Variants in GLRA3 observed in about 807,000 individuals in gnomAD.
GLRA3 encodes the protein glycine receptor alpha 3.
In GLRA3, 44 loss-of-function variants were observed where a neutral mutation model predicts 60.4. The ratio of observed to expected loss-of-function variants is 0.73; its 90% CI spans 0.57 to 0.94. The LOEUF (loss-of-function observed/expected upper bound fraction) is 0.94, where lower values mean the gene tolerates loss of function less well. Among genes scored for constraint, GLRA3 ranks in the 40% least tolerant of loss-of-function variants. The pLI is 0.00. For missense variants in GLRA3, 508 were observed against 564.6 expected, an observed-to-expected ratio of 0.90 and a Z score of 1.02; for synonymous variants, 223 against 192.9, an observed-to-expected ratio of 1.16 and a Z score of -1.29.
At chr4:174,674,060 A>G (rs1734011193) in intron 7 of GLRA3, among the ~76,000 whole-genome samples, 1 of 152,124 alleles carries the variant, frequency 6.6e-6, no homozygotes, top group African/African-American at 2.4e-5. Context: ...CCAGATCATC[A>G]TCTGCTGTGG....
intron 1 of GLRA3, among the ~76,000 whole-genome samples, chr4:174,790,993 G>T (rs2111311112): frequency 7.4e-6 from 1 of 135,088 alleles, no homozygotes; most frequent in Admixed American, 7.6e-5. Flanking sequence ...CACACAGCGA[G>T]ACTCCATCTC....
chr4:174,737,270 T>C (rs886424461), intron 3 of GLRA3, among the ~76,000 whole-genome samples: 12 of 152,184 alleles, frequency 7.9e-5, no homozygotes, highest in African/African-American at 2.2e-4. Flanking sequence ...CACACACATA[T>C]TTAAAAATTT....
At chr4:174,663,543 G>A (rs530597132) in intron 7 of GLRA3, among the ~76,000 whole-genome samples, 1 of 152,266 alleles carries the variant, frequency 6.6e-6, no homozygotes, top group East Asian at 1.9e-4. Flanking sequence ...CATCATTTGT[G>A]CCTGTCAGGG....
rs376843844 is a variant in GLRA3 at position 174,656,843 on chromosome 4, A to G, written c.1072-56T>C. 20 of 915,528 alleles carry G rather than the reference A, an allele frequency of 2.2e-5. No individual in the cohort carries two copies. In the African/African-American group the frequency reaches 3.3e-4, roughly 15 times the overall value. The allele number at this position is 915,528 out of a possible 1,614,324, so 56.7% of individuals were successfully genotyped here. A position where few individuals can be genotyped will look rare whatever the true frequency, so the allele number is the denominator to read the frequency against. On this transcript the variant is annotated intron_variant, in intron 8 of 9. Coordinates refer to ENST00000274093, the MANE Select transcript of GLRA3 (RefSeq NM_006529.4). ...TTGAGAAACCAGAGAATCAATTCAT[A>G]TATGATTAAATATAATTACACAATT...
intron 5 of GLRA3, chr4:174,712,796 C>T (rs1006394653): frequency 6.6e-6 from 1 of 151,684 alleles, no homozygotes; most frequent in Non-Finnish European, 1.5e-5. Context: ...TTTTAAACCA[C>T]TATTTAAGGA....
rs1334283327 is a variant in GLRA3, at chr4:174,821,426, C to T, written c.71+7315G>A. Among the ~76,000 whole-genome samples, 11 of 151,956 alleles carry T rather than the reference C, an allele frequency of 7.2e-5. No homozygotes were observed. The East Asian group carries it at 2.1e-3, about 29-fold the overall frequency. On this transcript the variant is annotated intron_variant, in intron 1 of 9. Coordinates refer to ENST00000274093, the MANE Select transcript of GLRA3 (RefSeq NM_006529.4). ...TGACCCAAAATTGTAAATTATATGA[C>T]CCTAGTCAAAGTAGCATCATAAAAG... is the stretch of plus-strand genomic sequence containing the variant.
chr4:174,813,529 C>A (rs1740355017), intron 1 of GLRA3, among the ~76,000 whole-genome samples: 1 of 152,168 alleles, frequency 6.6e-6, no homozygotes, highest in African/African-American at 2.4e-5. Flanking sequence ...GCCTCGTAAC[C>A]AGTTGCATCA....
chr4:174,751,770 T>G (rs985810252), intron 3 of GLRA3, among the ~76,000 whole-genome samples: 29 of 152,134 alleles, frequency 1.9e-4, no homozygotes, highest in Middle Eastern at 3.4e-3. Context: ...GAGGACAGTA[T>G]GGTTCCTGAG....
intron 5 of GLRA3, among the ~76,000 whole-genome samples, chr4:174,710,737 C>T (rs576282332): frequency 4.3e-4 from 65 of 151,974 alleles, no homozygotes; most frequent in East Asian, 1.7e-3. Flanking sequence ...TGGCATACTA[C>T]GATTATTTCT....
intron 5 of GLRA3, among the ~76,000 whole-genome samples, chr4:174,692,084 CT>C (rs1173786933): frequency 2.0e-5 from 3 of 150,552 alleles, no homozygotes; most frequent in Admixed American, 2.0e-4. Flanking sequence ...CTGGGCCGCC[CT>C]GTCTGAGAAG....
At chr4:174,793,088 G>C (rs535902069) in intron 1 of GLRA3, among the ~76,000 whole-genome samples, 68 of 152,228 alleles carry the variant, frequency 4.5e-4, no homozygotes, top group African/African-American at 1.2e-3. Flanking sequence ...TTTTGAAAAA[G>C]TTGATTCTCA....
intron 1 of GLRA3, among the ~76,000 whole-genome samples, chr4:174,815,786 TA>T (rs1161162209): frequency 2.6e-5 from 4 of 152,150 alleles, no homozygotes; most frequent in African/African-American, 9.7e-5. Flanking sequence ...TGTTTCCTCC[TA>T]AACCTCCAGA....
chr4:174,750,157 T>G (rs1217898428), intron 3 of GLRA3, among the ~76,000 whole-genome samples: 2 of 152,112 alleles, frequency 1.3e-5, no homozygotes, highest in African/African-American at 4.8e-5. Flanking sequence ...ATTTTACCAT[T>G]TTTTGTGCAT....
At chr4:174,792,493 C>A (rs1739392596) in intron 1 of GLRA3, among the ~76,000 whole-genome samples, 1 of 152,104 alleles carries the variant, frequency 6.6e-6, no homozygotes. Flanking sequence ...GAGGTACTGG[C>A]AGGTAGGACT....
chr4:174,821,006 A>G (rs1291213934), intron 1 of GLRA3, among the ~76,000 whole-genome samples: 1 of 152,194 alleles, frequency 6.6e-6, no homozygotes, highest in Non-Finnish European at 1.5e-5. Flanking sequence ...CCAACTGTTG[A>G]AATCTTGCTT....
At chr4:174,681,608 G>A (rs1001031699) in intron 6 of GLRA3, among the ~76,000 whole-genome samples, 1 of 152,064 alleles carries the variant, frequency 6.6e-6, no homozygotes, top group African/African-American at 2.4e-5. Context: ...AAGAGACAGG[G>A]AACAACTCTT....
At chr4:174,763,980 G>GAA (rs1738040595) in intron 3 of GLRA3, among the ~76,000 whole-genome samples, 1 of 152,032 alleles carries the variant, frequency 6.6e-6, no homozygotes, top group African/African-American at 2.4e-5. Flanking sequence ...AATATTTGTA[G>GAA]AAAAAAGTTT....
At position 174,788,983 on chromosome 4, in the gene GLRA3, G is replaced by A. The variant is rs369975744; in HGVS notation, c.72-40C>T. 2.2e-6 allele frequency: 3 copies of A among 1,363,588 alleles called. No individual in the cohort carries two copies. The African/African-American group carries it at 4.5e-5, about 20-fold the overall frequency. 84.5% of individuals were successfully genotyped at this position (1,363,588 alleles called of 1,614,324 possible). On this transcript the variant is annotated intron_variant, in intron 1 of 9. Transcript: ENST00000274093. ...AAAAATATAGACTTTACAAAAAGAA[G>A]TATTTCTAATAATTGTTACCTACAA...
chr4:174,645,815 C>G (rs1484023296), intron 9 of GLRA3, among the ~76,000 whole-genome samples: 1 of 152,086 alleles, frequency 6.6e-6, no homozygotes, highest in Non-Finnish European at 1.5e-5. Context: ...CTTTGGCGTC[C>G]ATGAAATTTT....
Sources: gnomAD v4.1 joint callset for allele counts (sites outside exome capture counted in the v4.1 genomes callset) on GRCh38, gnomAD v4.1.1 for gene constraint, MANE v1.5 for transcripts, NCBI Gene and HGNC (gene_info 2026-07-23, HGNC 2026-07-21) for gene names.